CAP1: variants seen among roughly 807,000 people sequenced by gnomAD.
CAP1 encodes adenylyl cyclase-associated protein 1.
CAP1 carries 11 observed loss-of-function variants against 58.2 expected under a neutral mutation model. That is an observed-to-expected ratio of 0.19 (90% confidence interval 0.12 to 0.31). The LOEUF (loss-of-function observed/expected upper bound fraction) is 0.31, where lower values mean the gene tolerates loss of function less well. CAP1 is among the 10% of genes least tolerant of loss of function. The pLI is 1.00. For missense variants in CAP1, 423 were observed against 587.5 expected (o/e 0.72, Z 2.89); for synonymous variants, 183 against 213.8 (o/e 0.86, Z 1.26).
rs1648142106 is a variant in CAP1 at position 40,072,058 on chromosome 1, T to C, written c.*525T>C. 7.4e-6 allele frequency: 3 copies of C among 403,224 alleles called. No homozygotes were observed. Among genetic ancestry groups the C allele is most frequent in the Non-Finnish European group, 1.3e-5 (3 of 228,346 alleles). 25.0% of individuals were successfully genotyped at this position (403,224 alleles called of 1,614,324 possible). A position where few individuals can be genotyped will look rare whatever the true frequency, so the allele number is the denominator to read the frequency against. On this transcript the variant is annotated 3_prime_UTR_variant, in exon 13 of 13. Transcript: ENST00000372805. ...TGAGGCTTGGCCATCTAGCATTCCA[T>C]ACAAAATTGTTTCCTATAAGCATTC...
intron 8 of CAP1, chr1:40,069,448 T>G (rs536047799): frequency 2.6e-6 from 1 of 390,282 alleles, no homozygotes; most frequent in East Asian, 4.5e-5. Context: ...GGATAAGGAT[T>G]TACATATCCT....
chr1:40,059,113 C>T (rs1646739978), intron 1 of CAP1, among the ~76,000 whole-genome samples: 1 of 152,112 alleles, frequency 6.6e-6, no homozygotes, highest in African/African-American at 2.4e-5. Context: ...GAGCAGTTCT[C>T]TTGCTTAATG....
Position 40,071,511 on chromosome 1 carries a change from C to G in CAP1, c.1406C>G (p.Thr469Arg), listed in dbSNP as rs1385237929. 2 of 1,613,116 alleles carry G rather than the reference C, an allele frequency of 1.2e-6. No individual in the cohort carries two copies. The highest frequency in any genetic ancestry group is 2.2e-5 in the East Asian group (1 of 44,890). The stretch of plus-strand genomic sequence containing the variant: ...TGGAACGGGCAGAAGTTGGTCACCA[C>G]AGTGACAGAAATTGCTGGATAAGCG... ...TLWNGQKLVT[T>R]VTEIAG Residue 469 changes from threonine (T) to arginine (R), a missense_variant, in exon 13 of 13, where the codon ACA becomes AGA. By Grantham distance (71) the Thr-to-Arg change is moderately conservative (BLOSUM62 -1). Coordinates refer to ENST00000372805, the MANE Select transcript of CAP1 (RefSeq NM_006367.4).
rs377002069 is a variant in CAP1 at position 40,044,980 on chromosome 1, T to C, written c.-11+4179T>C. ...CCCAGCTAATTTTTTGTATTTTTAG[T>C]ATAGACGGGGTTTCACTGTGGTCTT... On this transcript the variant is annotated intron_variant, in intron 1 of 12. Transcript: ENST00000372805. Among the ~76,000 whole-genome samples, 479 of 151,938 alleles carry C rather than the reference T, an allele frequency of 3.2e-3. 1 individual carries two copies. Among genetic ancestry groups the C allele is most frequent in the African/African-American group, 0.011 (468 of 41,398 alleles).
At chr1:40,046,256 G>T (rs1037573904) in intron 1 of CAP1, among the ~76,000 whole-genome samples, 3 of 152,138 alleles carry the variant, frequency 2.0e-5, no homozygotes, top group African/African-American at 7.2e-5. Flanking sequence ...AGGAGTTCGA[G>T]ACCAGCCTGG....
chr1:40,049,012 C>T (rs1646233932), intron 1 of CAP1, among the ~76,000 whole-genome samples: 1 of 151,978 alleles, frequency 6.6e-6, no homozygotes, highest in Admixed American at 6.6e-5. Context: ...AGTAGAAATT[C>T]ATGCTACTGT....
At chr1:40,048,309 C>T (rs1646198640) in intron 1 of CAP1, among the ~76,000 whole-genome samples, 1 of 151,908 alleles carries the variant, frequency 6.6e-6, no homozygotes. Context: ...TCCCAAAGCG[C>T]TGGGATTACA....
chr1:40,061,720 T>A lies in CAP1; in HGVS notation c.217-15T>A. On this transcript the variant is annotated splice_polypyrimidine_tract_variant and intron_variant, in intron 3 of 12. Coordinates refer to ENST00000372805, the MANE Select transcript of CAP1 (RefSeq NM_006367.4). The stretch of plus-strand genomic sequence containing the variant: ...TTATAATGTGTCATCAATAGCTGAT[T>A]CTTCTTTCTGGCAGGCGGAGATGGT... 6.2e-7 allele frequency: 1 copy of A among 1,611,524 alleles called. No individual in the cohort carries two copies. The highest frequency in any genetic ancestry group is 8.5e-7 in the Non-Finnish European group (1 of 1,177,652).
At chr1:40,043,809 G>T (rs371828024) in intron 1 of CAP1, among the ~76,000 whole-genome samples, 1 of 152,034 alleles carries the variant, frequency 6.6e-6, no homozygotes, top group East Asian at 1.9e-4. Context: ...CCCGGGAGGC[G>T]GAGGTTGCAG....
At chr1:40,070,347 A>G (rs929257044) in intron 10 of CAP1, 65 bp downstream of exon 10, 318 of 1,610,244 alleles carry the variant, frequency 2.0e-4, no homozygotes, top group Non-Finnish European at 2.5e-4. Flanking sequence ...ATACCATTTT[A>G]CCTACCCTAT....
chr1:40,049,742 A>G (rs2124217971), intron 1 of CAP1, among the ~76,000 whole-genome samples: 1 of 152,302 alleles, frequency 6.6e-6, no homozygotes. Flanking sequence ...CAAACTCAGC[A>G]TATCCAAAAC....
chr1:40,050,133 C>T (rs953233802), intron 1 of CAP1, among the ~76,000 whole-genome samples: 14 of 152,096 alleles, frequency 9.2e-5, no homozygotes, highest in African/African-American at 2.4e-4. Context: ...ATTGAAAGGA[C>T]TGTTCTGGCA....
chr1:40,044,216 T>C (rs754104278), intron 1 of CAP1, among the ~76,000 whole-genome samples: 1 of 152,088 alleles, frequency 6.6e-6, no homozygotes, highest in African/African-American at 2.4e-5. Context: ...GTCAACATAG[T>C]GAGACCCCTG....
chr1:40,067,481 G>A (rs900110155), intron 7 of CAP1, 59 bp from the exon 8 acceptor site: 1 of 1,445,290 alleles, frequency 6.9e-7, no homozygotes, highest in Non-Finnish European at 9.4e-7. Flanking sequence ...GGGCACTACT[G>A]GGAATGGTAC....
chr1:40,054,193 CTT>C (rs398052925), intron 1 of CAP1, among the ~76,000 whole-genome samples: 38 of 136,334 alleles, frequency 2.8e-4, no homozygotes, highest in African/African-American at 8.4e-4. Flanking sequence ...GCCCACTGTT[CTT>C]TTTTTTTTTT....
chr1:40,071,913 A>G lies in CAP1; in HGVS notation c.*380A>G, dbSNP rs1271972096. The G allele has an allele frequency of 7.3e-6, 3 of 413,448 alleles. No individual in the cohort carries two copies. Among genetic ancestry groups the G allele is most frequent in the Non-Finnish European group, 1.3e-5 (3 of 233,572 alleles). The allele number at this position is 413,448 out of a possible 1,614,324, so 25.6% of individuals were successfully genotyped here. On this transcript the variant is annotated 3_prime_UTR_variant, in exon 13 of 13. Coordinates refer to ENST00000372805, the MANE Select transcript of CAP1 (RefSeq NM_006367.4). ...CAGATCAGAATGTTCACACTGGTTA[A>G]TCTTTTTTTAACAATGAGCATGAAG... is the stretch of plus-strand genomic sequence containing the variant.
intron 8 of CAP1, among the ~76,000 whole-genome samples, chr1:40,068,450 G>A (rs1292295922): frequency 6.9e-6 from 1 of 145,742 alleles, no homozygotes; most frequent in Non-Finnish European, 1.5e-5. Context: ...TTTTTTTTTT[G>A]TATTTTTAGT....
rs369773596 is a variant in CAP1, at chr1:40,060,158, C to T, written c.204C>T (p.Asp68=). 2.6e-4 allele frequency: 425 copies of T among 1,612,246 alleles called. No individual in the cohort carries two copies. Among genetic ancestry groups the T allele is most frequent in the Non-Finnish European group, 3.4e-4 (402 of 1,178,856 alleles). The change falls in exon 3 of 13, where the codon GAC becomes GAT. Residue 68 remains aspartate, a synonymous_variant. Transcript: ENST00000372805. ...YLKISKEIGG[D]VQKHAEMVHT... is the part of the protein sequence containing the mutation. ...AGATCAGTAAAGAGATTGGGGGAGA[C>T]GTGCAGAAACATGTAAGGATGTTTT...
chr1:40,059,275 T>C (rs1475311062), intron 1 of CAP1, 62 bp from the exon 2 acceptor site: 2 of 980,242 alleles, frequency 2.0e-6, no homozygotes, highest in African/African-American at 3.2e-5. Flanking sequence ...ATTTTCTGTT[T>C]TTTTCTCTGT....
Sources: allele counts gnomAD v4.1 joint callset (sites outside exome capture counted in the v4.1 genomes callset), GRCh38; gene constraint gnomAD v4.1.1; transcripts MANE v1.5; gene names NCBI Gene and HGNC (gene_info 2026-07-23, HGNC 2026-07-21).